Variants in PDSS2 observed in about 807,000 individuals in gnomAD.
PDSS2 encodes decaprenyl diphosphate synthase subunit 2.
A neutral mutation model predicts 44.5 loss-of-function variants in PDSS2; 31 were observed. The ratio of observed to expected loss-of-function variants is 0.70; its 90% confidence interval spans 0.52 to 0.94. The LOEUF (loss-of-function observed/expected upper bound fraction) is 0.94. PDSS2 is among the 40% of genes least tolerant of loss of function. The pLI, the probability that PDSS2 is intolerant of heterozygous loss-of-function variation, is 0.00. For missense variants in PDSS2, 452 were observed against 482.2 expected (o/e 0.94, Z 0.59); for synonymous variants, 157 against 180.3 (o/e 0.87, Z 1.03).
At chr6:107,439,156 A>G (rs535688667) in intron 1 of PDSS2, among the ~76,000 whole-genome samples, 1 of 152,352 alleles carries the variant, frequency 6.6e-6, no homozygotes, top group East Asian at 1.9e-4. Flanking sequence ...AGAATTGAAA[A>G]GATGTGTCCA....
At chr6:107,247,683 G>A (rs769936759) in intron 3 of PDSS2, among the ~76,000 whole-genome samples, 17 of 152,140 alleles carry the variant, frequency 1.1e-4, no homozygotes, top group Middle Eastern at 6.8e-3. Context: ...TGCCTGAAAT[G>A]TTTATTTTTA....
rs544488523 is a variant in PDSS2 at position 107,335,273 on chromosome 6, C to G, written c.297-941G>C. Among the ~76,000 whole-genome samples the G allele has an allele frequency of 6.6e-5, 10 of 151,452 alleles. No homozygotes were observed. In the East Asian group the frequency reaches 2.0e-3, roughly 30 times the overall value. ...CTATACCCTATCTCACAATCTTAAT[C>G]ATTTGCTCTGGTAACAAGAAGAACC... On this transcript the variant is annotated intron_variant, in intron 1 of 7. Coordinates refer to ENST00000369037, the MANE Select transcript of PDSS2 (RefSeq NM_020381.4).
At chr6:107,311,992 C>T (rs1319930504) in intron 2 of PDSS2, among the ~76,000 whole-genome samples, 1 of 152,092 alleles carries the variant, frequency 6.6e-6, no homozygotes, top group Admixed American at 6.5e-5. Context: ...CTTAGGTTGG[C>T]CTGGGGATTA....
chr6:107,410,353 T>C (rs1369669685), intron 1 of PDSS2, among the ~76,000 whole-genome samples: 1 of 152,218 alleles, frequency 6.6e-6, no homozygotes, highest in Non-Finnish European at 1.5e-5. Context: ...TCTTACATAG[T>C]ACGCTTATCC....
intron 7 of PDSS2, among the ~76,000 whole-genome samples, chr6:107,169,865 G>T (rs539126643): frequency 3.9e-5 from 6 of 152,110 alleles, no homozygotes; most frequent in African/African-American, 1.4e-4. Flanking sequence ...GTACCCGGCC[G>T]TGTGAGGTGT....
At chr6:107,238,496 T>C (rs1041921820) in intron 4 of PDSS2, among the ~76,000 whole-genome samples, 1 of 152,192 alleles carries the variant, frequency 6.6e-6, no homozygotes, top group African/African-American at 2.4e-5. Context: ...AAGAATCCCC[T>C]CTCAGTGGAG....
intron 7 of PDSS2, among the ~76,000 whole-genome samples, chr6:107,164,710 T>C (rs1366204188): frequency 6.6e-6 from 1 of 152,206 alleles, no homozygotes; most frequent in Non-Finnish European, 1.5e-5. Context: ...TCAAATGGTA[T>C]TTCTAGTTCT....
At chr6:107,293,904 C>A (rs1179272924) in intron 2 of PDSS2, among the ~76,000 whole-genome samples, 1 of 152,080 alleles carries the variant, frequency 6.6e-6, no homozygotes, top group East Asian at 1.9e-4. Context: ...GGATCTCAAT[C>A]ATTATTAAAG....
chr6:107,169,119 A>G (rs2114358101), intron 7 of PDSS2, among the ~76,000 whole-genome samples: 1 of 151,492 alleles, frequency 6.6e-6, no homozygotes, highest in South Asian at 2.1e-4. Context: ...TACACCAATC[A>G]GACGTAGATT....
chr6:107,438,188 C>T (rs1000124150), intron 1 of PDSS2, among the ~76,000 whole-genome samples: 22 of 152,020 alleles, frequency 1.4e-4, no homozygotes, highest in African/African-American at 5.3e-4. Flanking sequence ...CAACAGGCAA[C>T]CCACTTAGAT....
chr6:107,255,522 C>T (rs1774985933), intron 3 of PDSS2, among the ~76,000 whole-genome samples: 2 of 151,564 alleles, frequency 1.3e-5, no homozygotes, highest in African/African-American at 4.8e-5. Context: ...TCGCTTGAAC[C>T]CAGGAGGCGG....
At chr6:107,458,649 TA>T (rs34853592) in intron 1 of PDSS2, among the ~76,000 whole-genome samples, 1,577 of 143,006 alleles carry the variant, frequency 0.011, 17 homozygotes, top group African/African-American at 0.028. Flanking sequence ...TCTATCCCAT[TA>T]AAAAAAAAAA....
rs1770751099 is a variant in PDSS2, at chr6:107,152,638, A to G, written c.*1981T>C. 6.6e-6 allele frequency: 1 copy of G among 152,068 alleles called. No individual in the cohort carries two copies. The highest frequency in any genetic ancestry group is 1.5e-5 in the Non-Finnish European group (1 of 68,028). 9.4% of individuals were successfully genotyped at this position (152,068 alleles called of 1,614,324 possible). A position where few individuals can be genotyped will look rare whatever the true frequency, so the allele number is the denominator to read the frequency against. Reference sequence around the variant, plus strand: ...GGTCAACTTTTGAATCTCATTGTACAGATGAGAAAATTGAGGCTCAGAAGG... The same window carrying G: ...GGTCAACTTTTGAATCTCATTGTACGGATGAGAAAATTGAGGCTCAGAAGG... On this transcript the variant is annotated 3_prime_UTR_variant, in exon 8 of 8. Coordinates refer to ENST00000369037, the MANE Select transcript of PDSS2 (RefSeq NM_020381.4).
intron 2 of PDSS2, among the ~76,000 whole-genome samples, chr6:107,291,917 G>C (rs1336363615): frequency 2.6e-5 from 4 of 152,068 alleles, no homozygotes; most frequent in African/African-American, 9.7e-5. Context: ...CCTCCAAGTA[G>C]TGATCAAGTT....
chr6:107,168,803 C>T (rs1257016201), intron 7 of PDSS2, among the ~76,000 whole-genome samples: 1 of 152,016 alleles, frequency 6.6e-6, no homozygotes, highest in Non-Finnish European at 1.5e-5. Flanking sequence ...TGAATATTGC[C>T]CCCCACTCTC....
chr6:107,362,334 G>A (rs1001180267), intron 1 of PDSS2, among the ~76,000 whole-genome samples: 3 of 152,220 alleles, frequency 2.0e-5, no homozygotes, highest in African/African-American at 7.2e-5. Context: ...TCCATCAGGA[G>A]AGACTGGAAG....
intron 7 of PDSS2, among the ~76,000 whole-genome samples, chr6:107,180,386 G>T (rs1369821178): frequency 1.3e-5 from 2 of 152,318 alleles, no homozygotes; most frequent in African/African-American, 2.4e-5. Context: ...AACCCAGGGG[G>T]TGAGAGGCAT....
At chr6:107,251,076 G>A (rs997557320) in intron 3 of PDSS2, among the ~76,000 whole-genome samples, 10 of 152,022 alleles carry the variant, frequency 6.6e-5, no homozygotes, top group Non-Finnish European at 1.2e-4. Context: ...GACTGGTCTC[G>A]GACCCCTGAC....
intron 2 of PDSS2, among the ~76,000 whole-genome samples, chr6:107,307,847 A>C (rs1409256229): frequency 1.3e-5 from 2 of 152,194 alleles, no homozygotes; most frequent in Non-Finnish European, 2.9e-5. Flanking sequence ...TCACTTAAAG[A>C]GTAATATAAG....
Sources: gnomAD v4.1 joint callset for allele counts (sites outside exome capture counted in the v4.1 genomes callset) on GRCh38, gnomAD v4.1.1 for gene constraint, MANE v1.5 for transcripts, NCBI Gene and HGNC (gene_info 2026-07-23, HGNC 2026-07-21) for gene names.